Variants in CHM observed in about 807,000 individuals in gnomAD.
CHM encodes the protein rab proteins geranylgeranyltransferase component A 1.
In CHM, 10 loss-of-function variants were observed where a neutral mutation model predicts 49.0. The ratio of observed to expected loss-of-function variants is 0.20; its 90% CI spans 0.13 to 0.35. The LOEUF is 0.35. Ranked by LOEUF, CHM falls within the 10% of genes least tolerant of loss-of-function variation. The probability of loss-of-function intolerance (pLI) is 1.00; values close to 1 mark genes in which losing one functional copy is unlikely to be tolerated. For missense variants in CHM, 455 were observed against 478.4 expected (o/e 0.95, Z 0.46); for synonymous variants, 184 against 167.5 (o/e 1.10, Z -0.76).
intron 8 of CHM, among the ~76,000 whole-genome samples, chrX:85,925,927 C>T (rs887300068): frequency 1.8e-5 from 2 of 110,588 alleles, no homozygotes; most frequent in Non-Finnish European, 1.9e-5. Flanking sequence ...GTACAGAGAC[C>T]ATCTTCTTAG....
At chrX:86,006,896 T>C (rs751416406) in intron 2 of CHM, among the ~76,000 whole-genome samples, 2 of 111,738 alleles carry the variant, frequency 1.8e-5, no homozygotes, top group South Asian at 7.6e-4. Flanking sequence ...CTTCACAGAA[T>C]TGGAAAAAAG....
chrX:85,973,902 C>A (rs1293472125), intron 4 of CHM, among the ~76,000 whole-genome samples: 1 of 111,622 alleles, frequency 9.0e-6, no homozygotes, highest in African/African-American at 3.3e-5. Context: ...TTCTTAAAAA[C>A]AAAACCAAAC....
In CHM at chrX:85,959,083, A is replaced by G. The variant is rs767775297; in HGVS notation, c.703-106T>C. The G allele has an allele frequency of 2.3e-5, 21 of 920,508 alleles. 1 individual carries two copies. The Admixed American group carries it at 4.9e-4, about 21-fold the overall frequency. 75.9% of individuals were successfully genotyped at this position (920,508 alleles called of 1,213,427 possible). A position where few individuals can be genotyped will look rare whatever the true frequency, so the allele number is the denominator to read the frequency against. On this transcript the variant is annotated intron_variant, in intron 5 of 14. Coordinates refer to ENST00000357749, the MANE Select transcript of CHM (RefSeq NM_000390.4). ...ATATTTTTTATTATTTGTAGAAACAATCATACCTATAAATATTATAATACA... is the reference window on the plus strand; with the variant it reads ...ATATTTTTTATTATTTGTAGAAACAGTCATACCTATAAATATTATAATACA...
intron 2 of CHM, among the ~76,000 whole-genome samples, chrX:85,999,155 A>G (rs1454472163): frequency 9.0e-6 from 1 of 111,371 alleles, no homozygotes; most frequent in Non-Finnish European, 1.9e-5. Context: ...ACATATAACA[A>G]TGACATCATC....
At chrX:85,974,748 A>G (rs572013914) in intron 4 of CHM, among the ~76,000 whole-genome samples, 3 of 111,140 alleles carry the variant, frequency 2.7e-5, no homozygotes, top group Non-Finnish European at 5.7e-5. Flanking sequence ...TTAAAAAAAA[A>G]AGAGAAAATC....
chrX:85,971,031 T>C, intron 4 of CHM: 2 of 646,428 alleles, frequency 3.1e-6, no homozygotes, highest in Non-Finnish European at 3.7e-6. Flanking sequence ...GAATACTTTT[T>C]AAATAAGTCA....
At chrX:85,956,077 T>C in intron 8 of CHM, 76 bp downstream of exon 8, 1 of 847,811 alleles carries the variant, frequency 1.2e-6, no homozygotes, top group Non-Finnish European at 1.7e-6. Flanking sequence ...ATAAATCTCA[T>C]TTTTGCCTGC....
intron 5 of CHM, among the ~76,000 whole-genome samples, chrX:85,962,517 A>G (rs1175097416): frequency 1.8e-5 from 2 of 112,272 alleles, no homozygotes; most frequent in Non-Finnish European, 3.8e-5. Flanking sequence ...GGATTTGCAG[A>G]AACAACTTGT....
intron 2 of CHM, among the ~76,000 whole-genome samples, chrX:85,987,183 A>G (rs1931962769): frequency 8.9e-6 from 1 of 112,186 alleles, no homozygotes; most frequent in Admixed American, 9.4e-5. Flanking sequence ...AAAATCTATA[A>G]ATCACTGGCA....
At chrX:85,935,055 G>A (rs1048588845) in intron 8 of CHM, among the ~76,000 whole-genome samples, 1 of 111,575 alleles carries the variant, frequency 9.0e-6, no homozygotes, top group Non-Finnish European at 1.9e-5. Flanking sequence ...AGTTTATTTG[G>A]CTCCCAGTTC....
intron 2 of CHM, among the ~76,000 whole-genome samples, chrX:86,009,820 C>T (rs1031506197): frequency 8.1e-5 from 9 of 110,952 alleles, no homozygotes; most frequent in Non-Finnish European, 1.5e-4. Flanking sequence ...GAAAACACCA[C>T]AGTGTATCAT....
intron 2 of CHM, among the ~76,000 whole-genome samples, chrX:85,988,067 G>A (rs1045048739): frequency 1.8e-5 from 2 of 111,738 alleles, no homozygotes; most frequent in Non-Finnish European, 3.8e-5. Flanking sequence ...AGAAAACTTC[G>A]GGCCAGTATC....
At chrX:85,975,156 T>C (rs1454989106) in intron 4 of CHM, among the ~76,000 whole-genome samples, 1 of 112,066 alleles carries the variant, frequency 8.9e-6, no homozygotes. Context: ...TTAAGGTAAG[T>C]ATGTGGAGAA....
intron 8 of CHM, among the ~76,000 whole-genome samples, chrX:85,940,541 T>A (rs1166628114): frequency 9.1e-6 from 1 of 110,252 alleles, no homozygotes; most frequent in Non-Finnish European, 1.9e-5. Context: ...GGTAGTGGCA[T>A]CTAGTGGGTA....
chrX:85,907,044 C>A (rs1449730325), intron 9 of CHM, among the ~76,000 whole-genome samples: 3 of 111,519 alleles, frequency 2.7e-5, no homozygotes, highest in Non-Finnish European at 5.7e-5. Context: ...GCAGGAGAAT[C>A]GCTTGAACCT....
At chrX:85,994,810 A>T (rs976730639) in intron 2 of CHM, among the ~76,000 whole-genome samples, 10 of 111,747 alleles carry the variant, frequency 8.9e-5, no homozygotes, top group African/African-American at 2.9e-4. Context: ...GAAAAATATA[A>T]GAGAAAAAGC....
chrX:86,020,502 A>C (rs1480762716), intron 2 of CHM, among the ~76,000 whole-genome samples: 1 of 107,030 alleles, frequency 9.3e-6, no homozygotes, highest in Non-Finnish European at 1.9e-5. Context: ...AATATTACAT[A>C]TATATATATA....
At chrX:85,996,875 T>G (rs771295583) in intron 2 of CHM, among the ~76,000 whole-genome samples, 4 of 111,648 alleles carry the variant, frequency 3.6e-5, no homozygotes, top group Non-Finnish European at 7.5e-5. Flanking sequence ...ATGAAAATTG[T>G]GTATTCAGTG....
intron 4 of CHM, among the ~76,000 whole-genome samples, chrX:85,975,098 C>T (rs1931181523): frequency 9.0e-6 from 1 of 111,049 alleles, no homozygotes; most frequent in African/African-American, 3.3e-5. Context: ...AAAAAATATT[C>T]AAAATGAGCC....
Sources: allele counts gnomAD v4.1 joint callset (sites outside exome capture counted in the v4.1 genomes callset), GRCh38; gene constraint gnomAD v4.1.1; transcripts MANE v1.5; gene names NCBI Gene and HGNC (gene_info 2026-07-23, HGNC 2026-07-21).